The following CRACDL variants were observed in gnomAD, a reference collection of about 807,000 sequenced individuals.
CRACDL encodes CRACD like.
Under a neutral mutation model 70.6 loss-of-function variants are expected in CRACDL, and 26 were observed. That is an observed-to-expected ratio of 0.37 (90% CI 0.27 to 0.51). The LOEUF (loss-of-function observed/expected upper bound fraction) is 0.51, where lower values mean the gene tolerates loss of function less well. CRACDL is among the 20% of genes least tolerant of loss of function. CRACDL has a pLI of 0.94. For missense variants in CRACDL, 1,283 were observed against 1,376.9 expected (o/e 0.93, Z 1.08); for synonymous variants, 618 against 615.2 (o/e 1.00, Z -0.07).
rs1329934418 is a variant in CRACDL at position 98,795,040 on chromosome 2, A to AATATATAAAAATTTATATATATATAT, written c.2750-370_2750-369insATATATATATATAAATTTTTATATAT. Among the ~76,000 whole-genome samples, 7 of 27,708 alleles carry AATATATAAAAATTTATATATATATAT rather than the reference A, an allele frequency of 2.5e-4. 1 individual carries two copies. Among genetic ancestry groups the AATATATAAAAATTTATATATATATAT allele is most frequent in the African/African-American group, 1.0e-3 (6 of 6,024 alleles). The allele number at this position is 27,708 out of a possible 152,430, so 18.2% of individuals were successfully genotyped here. ...GTTATGTGCCCTTACCATAATTAAA[A>AATATATAAAAATTTATATATATATAT]ATATATATATATATATATATATATA... On this transcript the variant is annotated intron_variant, in intron 9 of 9. Transcript: ENST00000397899.
chr2:98,913,121 A>C (rs984299424), intron 1 of CRACDL: 7 of 152,260 alleles, frequency 4.6e-5, no homozygotes, highest in Admixed American at 1.3e-4. Flanking sequence ...ATTTGCCTCC[A>C]GAAGTTCAAT....
intron 1 of CRACDL, among the ~76,000 whole-genome samples, chr2:98,860,159 T>A (rs1268779683): frequency 1.3e-5 from 2 of 152,024 alleles, no homozygotes; most frequent in African/African-American, 4.8e-5. Context: ...AAGACATAAA[T>A]AGATGGAAAG....
chr2:98,841,845 T>C (rs189094045), intron 2 of CRACDL, among the ~76,000 whole-genome samples: 52 of 152,308 alleles, frequency 3.4e-4, no homozygotes, highest in Admixed American at 1.6e-3. Flanking sequence ...CGTAATAGTT[T>C]GGCAGTTACT....
intron 1 of CRACDL, chr2:98,868,949 G>A: frequency 2.4e-6 from 1 of 410,428 alleles, no homozygotes; most frequent in Admixed American, 3.3e-5. Flanking sequence ...TAGAACATAA[G>A]GTAACAGACG....
intron 7 of CRACDL, among the ~76,000 whole-genome samples, chr2:98,816,755 A>G (rs1168311407): frequency 1.3e-5 from 2 of 152,218 alleles, no homozygotes; most frequent in Non-Finnish European, 2.9e-5. Flanking sequence ...AGTGTTGATG[A>G]CACTTGCTCA....
chr2:98,880,971 T>G (rs1707634651), intron 1 of CRACDL, among the ~76,000 whole-genome samples: 1 of 152,144 alleles, frequency 6.6e-6, no homozygotes, highest in Admixed American at 6.5e-5. Flanking sequence ...GGCTGTGAGC[T>G]AAAACCCCCT....
At chr2:98,809,568 C>G (rs898468494) in intron 7 of CRACDL, among the ~76,000 whole-genome samples, 6 of 152,174 alleles carry the variant, frequency 3.9e-5, no homozygotes, top group Non-Finnish European at 5.9e-5. Flanking sequence ...GCTGGTGGCT[C>G]ACAGGACTGC....
At chr2:98,854,518 T>A (rs1347165068) in intron 1 of CRACDL, among the ~76,000 whole-genome samples, 3 of 151,968 alleles carry the variant, frequency 2.0e-5, no homozygotes, top group African/African-American at 7.2e-5. Context: ...AAAGACAATG[T>A]TAGAAAAATG....
chr2:98,856,689 A>T (rs949152536), intron 1 of CRACDL, among the ~76,000 whole-genome samples: 1 of 152,262 alleles, frequency 6.6e-6, no homozygotes. Context: ...GACAATAACA[A>T]CAAAAAGGAG....
At position 98,822,910 on chromosome 2, in the gene CRACDL, C is replaced by G. The variant is rs763994480; in HGVS notation, c.1363G>C (p.Gly455Arg). ...VLPDEEKGPP[G>R]PAPEPEREAE... ...TCTCTCTCGGGCTCAGGCGCCGGCC[C>G]TGGGGGCCCCTTCTCCTCATCCGGG... is the stretch of plus-strand genomic sequence containing the variant. The change falls in exon 7 of 10, where the codon GGG becomes CGG. Residue 455 changes from glycine (G) to arginine (R), a missense_variant. This residue lies in a region of CRACDL where 921 missense variants were observed against 881.9 expected (regional missense o/e 1.04). Transcript: ENST00000397899. The surrounding 1 kb of genome is among the most constrained non-coding windows in gnomAD (Gnocchi z 4.9). The G allele has an allele frequency of 8.1e-6, 12 of 1,474,128 alleles. No individual in the cohort carries two copies. In the East Asian group the frequency reaches 3.2e-4, roughly 39 times the overall value. 91.3% of individuals were successfully genotyped at this position (1,474,128 alleles called of 1,614,324 possible).
chr2:98,857,294 C>G (rs1454646612), intron 1 of CRACDL, among the ~76,000 whole-genome samples: 1 of 152,092 alleles, frequency 6.6e-6, no homozygotes, highest in Non-Finnish European at 1.5e-5. Context: ...TGTACAGACT[C>G]TATGAATATA....
At chr2:98,901,637 T>C (rs1016739765) in intron 1 of CRACDL, among the ~76,000 whole-genome samples, 6 of 152,230 alleles carry the variant, frequency 3.9e-5, no homozygotes, top group Non-Finnish European at 7.3e-5. Flanking sequence ...AAATCCTATG[T>C]CTTCTCAAAG....
chr2:98,888,550 G>T (rs1274786497), intron 1 of CRACDL, among the ~76,000 whole-genome samples: 2 of 152,052 alleles, frequency 1.3e-5, no homozygotes, highest in African/African-American at 4.8e-5. Flanking sequence ...AATTAAAATG[G>T]TACACTAGAA....
chr2:98,868,302 A>G (rs1242053764), intron 1 of CRACDL, among the ~76,000 whole-genome samples: 1 of 152,208 alleles, frequency 6.6e-6, no homozygotes, highest in Non-Finnish European at 1.5e-5. Context: ...CAAAGAAGCA[A>G]CAACAATTTC....
At chr2:98,895,057 T>C (rs1468717898) in intron 1 of CRACDL, among the ~76,000 whole-genome samples, 5 of 152,074 alleles carry the variant, frequency 3.3e-5, no homozygotes, top group African/African-American at 4.8e-5. Flanking sequence ...GCTTCAGCGG[T>C]CCATGATCAT....
chr2:98,849,266 C>T lies in CRACDL; in HGVS notation c.-10-2456G>A, dbSNP rs548311580. Among the ~76,000 whole-genome samples, 5 of 152,338 alleles carry T rather than the reference C, an allele frequency of 3.3e-5. No homozygotes were observed. In the East Asian group the frequency reaches 9.6e-4, roughly 29 times the overall value. The stretch of plus-strand genomic sequence containing the variant: ...GTCTGGGGAAAGGAACCGGAGGCCA[C>T]TGTGATGTGTCAGCTAACTGGGAAA... On this transcript the variant is annotated intron_variant, in intron 1 of 9. Coordinates refer to ENST00000397899, the MANE Select transcript of CRACDL (RefSeq NM_207362.3).
chr2:98,868,375 C>CAACCA (rs34715699), intron 1 of CRACDL, among the ~76,000 whole-genome samples: 1 of 151,900 alleles, frequency 6.6e-6, no homozygotes, highest in South Asian at 2.1e-4. Context: ...CTGACAGAGA[C>CAACCA]TGCCCTACTG....
chr2:98,923,778 GT>G (rs1708855735), intron 1 of CRACDL, among the ~76,000 whole-genome samples: 1 of 152,206 alleles, frequency 6.6e-6, no homozygotes, highest in South Asian at 2.1e-4. Context: ...TGAAAACATA[GT>G]TACTGTCATA....
intron 1 of CRACDL, among the ~76,000 whole-genome samples, chr2:98,914,146 G>T (rs970587250): frequency 4.6e-4 from 70 of 152,262 alleles, no homozygotes; most frequent in Non-Finnish European, 1.6e-4. Flanking sequence ...AGCCGAGGCA[G>T]GAGCCAGGTA....
Sources: gnomAD v4.1 joint callset for allele counts (sites outside exome capture counted in the v4.1 genomes callset) on GRCh38, gnomAD v4.1.1 for gene constraint, gnomAD v4.1.1 regional missense constraint, Gnocchi (gnomAD v3.1) non-coding constraint, MANE v1.5 for transcripts, NCBI Gene and HGNC (gene_info 2026-07-23, HGNC 2026-07-21) for gene names.